The following RYR2 variants were observed in gnomAD, a reference collection of about 807,000 sequenced individuals.
The protein encoded by RYR2 is ryanodine receptor 2.
Under a neutral mutation model 601.1 loss-of-function variants are expected in RYR2, and 227 were observed. That is an observed-to-expected ratio of 0.38 (90% CI 0.34 to 0.42). The LOEUF (loss-of-function observed/expected upper bound fraction) is 0.42. RYR2 is among the 10% of genes least tolerant of loss of function. The pLI, the probability that RYR2 is intolerant of heterozygous loss-of-function variation, is 1.00. For synonymous variants in RYR2, 2,223 were observed against 2,175.1 expected (o/e 1.02, Z -0.61); for missense variants, 4,646 against 6,156.5 (o/e 0.75, Z 8.21).
chr1:237,186,355 A>G (rs1456125262), intron 1 of RYR2, among the ~76,000 whole-genome samples: 1 of 152,120 alleles, frequency 6.6e-6, no homozygotes, highest in African/African-American at 2.4e-5. Flanking sequence ...AAAAACAAGT[A>G]TCGTACTAAG....
chr1:237,444,058 T>C (rs1376713694), intron 13 of RYR2, among the ~76,000 whole-genome samples: 1 of 152,224 alleles, frequency 6.6e-6, no homozygotes, highest in East Asian at 1.9e-4. Context: ...TGGTTGATTT[T>C]TGGTTTTGCC....
At chr1:237,060,281 A>G (rs1021494317) in intron 1 of RYR2, among the ~76,000 whole-genome samples, 2 of 152,184 alleles carry the variant, frequency 1.3e-5, no homozygotes, top group African/African-American at 4.8e-5. Flanking sequence ...ACTTAACTCC[A>G]TGGGTATAAT....
intron 10 of RYR2, among the ~76,000 whole-genome samples, chr1:237,398,839 C>T (rs1703086062): frequency 6.6e-6 from 1 of 152,186 alleles, no homozygotes; most frequent in African/African-American, 2.4e-5. Flanking sequence ...ATGGAATCAG[C>T]TGTGGTATGT....
intron 11 of RYR2, 112 bp downstream of exon 11, chr1:237,417,235 G>C: frequency 4.0e-6 from 3 of 755,134 alleles, no homozygotes; most frequent in Non-Finnish European, 6.7e-6. Flanking sequence ...AGCGAACAAA[G>C]GAAACACCGA....
At chr1:237,195,547 C>G (rs952862914) in intron 1 of RYR2, among the ~76,000 whole-genome samples, 1 of 152,248 alleles carries the variant, frequency 6.6e-6, no homozygotes, top group Non-Finnish European at 1.5e-5. Flanking sequence ...GCCACCACGC[C>G]TGAGCCACCA....
At chr1:237,043,247 T>C (rs1466119654) in intron 1 of RYR2, among the ~76,000 whole-genome samples, 1 of 152,070 alleles carries the variant, frequency 6.6e-6, no homozygotes, top group Non-Finnish European at 1.5e-5. Context: ...GGTGGTGCTG[T>C]GACCGCTTGC....
chr1:237,195,822 A>G (rs943939004), intron 1 of RYR2, among the ~76,000 whole-genome samples: 3 of 152,216 alleles, frequency 2.0e-5, no homozygotes, highest in African/African-American at 7.2e-5. Context: ...ATGAGAATAT[A>G]TGTATAGGGC....
chr1:237,539,926 A>T lies in RYR2; in HGVS notation c.2907-8505A>T, dbSNP rs1357855779. Among the ~76,000 whole-genome samples the T allele has an allele frequency of 3.4e-5, 5 of 148,858 alleles. No individual in the cohort carries two copies. In the South Asian group the frequency reaches 8.4e-4, roughly 25 times the overall value. ...CCAGAACTTAGAAATAATTTTTTTT[A>T]AATAGCCAATTTCTGATATATAATA... On this transcript the variant is annotated intron_variant, in intron 25 of 104. Coordinates refer to ENST00000366574, the MANE Select transcript of RYR2 (RefSeq NM_001035.3).
intron 1 of RYR2, among the ~76,000 whole-genome samples, chr1:237,147,218 T>C (rs1259251443): frequency 6.6e-6 from 1 of 150,538 alleles, no homozygotes; most frequent in Admixed American, 6.6e-5. Flanking sequence ...TTCTTTTTAA[T>C]TGACAAATTA....
At chr1:237,607,412 C>T (rs144495946) in intron 35 of RYR2, among the ~76,000 whole-genome samples, 2,261 of 130,314 alleles carry the variant, frequency 0.017, 18 homozygotes, top group Non-Finnish European at 0.026. Flanking sequence ...CATCACACAC[C>T]GGGGCCTGTT....
At chr1:237,540,737 C>A (rs1479453540) in intron 25 of RYR2, among the ~76,000 whole-genome samples, 1 of 149,032 alleles carries the variant, frequency 6.7e-6, no homozygotes, top group Non-Finnish European at 1.5e-5. Flanking sequence ...AAAAAGCATA[C>A]TAGGATCATC....
At chr1:237,272,475 C>G (rs1169798034) in intron 2 of RYR2, among the ~76,000 whole-genome samples, 1 of 151,516 alleles carries the variant, frequency 6.6e-6, no homozygotes, top group Non-Finnish European at 1.5e-5. Flanking sequence ...TAAGAAAAAG[C>G]ATTTCAATTT....
intron 19 of RYR2, among the ~76,000 whole-genome samples, chr1:237,494,855 G>A (rs1572585961): frequency 6.6e-6 from 1 of 152,138 alleles, no homozygotes; most frequent in Middle Eastern, 3.4e-3. Flanking sequence ...AAGTGGCATG[G>A]TCTCAGCTCA....
chr1:237,385,850 T>C (rs1341414832), intron 8 of RYR2, among the ~76,000 whole-genome samples: 1 of 152,242 alleles, frequency 6.6e-6, no homozygotes, highest in Admixed American at 6.5e-5. Flanking sequence ...GGAACACAGC[T>C]GTGAACCTGT....
At chr1:237,751,641 G>A (rs776362485) in intron 80 of RYR2, among the ~76,000 whole-genome samples, 2 of 152,086 alleles carry the variant, frequency 1.3e-5, no homozygotes, top group Non-Finnish European at 2.9e-5. Context: ...TATATCTAAC[G>A]TCAAAGCCTC....
intron 1 of RYR2, among the ~76,000 whole-genome samples, chr1:237,252,656 T>C (rs990236614): frequency 2.0e-5 from 3 of 152,226 alleles, no homozygotes. Flanking sequence ...TAGTCTTTTA[T>C]ATTCTGGTAA....
chr1:237,481,098 G>GGA (rs1662014593), intron 17 of RYR2, among the ~76,000 whole-genome samples: 1 of 87,588 alleles, frequency 1.1e-5, no homozygotes, highest in Non-Finnish European at 2.1e-5. Context: ...ATTTTTAAGT[G>GGA]TATATATACA....
In RYR2 at chr1:237,614,040, T is replaced by C; in HGVS notation, c.4912T>C (p.Ser1638Pro). ...MSLHIPEENR[S>P]VDILELTEQE... Reference sequence around the variant, plus strand: ...CTACCACTCTCCTCCCTTCTACAGATCTGTTGACATCTTAGAGTTGACAGA... The same window carrying C: ...CTACCACTCTCCTCCCTTCTACAGACCTGTTGACATCTTAGAGTTGACAGA... The change falls in exon 37 of 105, where the codon TCT (serine) becomes CCT (proline). Residue 1638 changes from serine to proline, a missense_variant and splice_region_variant. By Grantham distance (74) the Ser-to-Pro change is moderately conservative (BLOSUM62 -1). This residue lies in a region of RYR2 where 1,807 missense variants were observed against 2,088.1 expected (regional missense o/e 0.87). Coordinates refer to ENST00000366574, the MANE Select transcript of RYR2 (RefSeq NM_001035.3). The surrounding 1 kb of genome is among the most constrained non-coding windows in gnomAD (Gnocchi z 4.3). 1 of 1,610,822 alleles carries C rather than the reference T, an allele frequency of 6.2e-7. No homozygotes were observed. The highest frequency in any genetic ancestry group is 8.5e-7 in the Non-Finnish European group (1 of 1,177,352).
chr1:237,201,196 G>C (rs1164980907), intron 1 of RYR2, among the ~76,000 whole-genome samples: 1 of 152,202 alleles, frequency 6.6e-6, no homozygotes, highest in African/African-American at 2.4e-5. Context: ...TCTGTCATTA[G>C]CTTCCTCAGT....
Sources: allele counts gnomAD v4.1 joint callset (sites outside exome capture counted in the v4.1 genomes callset), GRCh38; gene constraint gnomAD v4.1.1; regional missense constraint gnomAD v4.1.1; non-coding constraint Gnocchi (gnomAD v3.1); transcripts MANE v1.5; gene names NCBI Gene and HGNC (gene_info 2026-07-23, HGNC 2026-07-21).